The following GFRA1 variants were observed in gnomAD, a reference collection of about 807,000 sequenced individuals.
GFRA1 encodes the protein GDNF family receptor alpha-1.
A neutral mutation model predicts 51.6 loss-of-function variants in GFRA1; 16 were observed. The observed-to-expected ratio is 0.31, with a 90% CI of 0.21 to 0.47. The LOEUF is 0.47. GFRA1 is among the 20% of genes least tolerant of loss of function. GFRA1 has a pLI of 1.00. For missense variants in GFRA1, 530 were observed against 594.3 expected, an observed-to-expected ratio of 0.89 and a Z score of 1.13; for synonymous variants, 270 against 241.3, an observed-to-expected ratio of 1.12 and a Z score of -1.10.
At chr10:116,273,762 G>T (rs1378192252), upstream of GFRA1, among the ~76,000 whole-genome samples, 1 of 151,990 alleles carries the variant, frequency 6.6e-6, no homozygotes, top group Non-Finnish European at 1.5e-5. Flanking sequence ...TAGGGCAATC[G>T]AGCCAGACCC....
At chr10:116,262,726 C>G (rs960892463) in intron 4 of GFRA1, among the ~76,000 whole-genome samples, 1 of 152,006 alleles carries the variant, frequency 6.6e-6, no homozygotes, top group African/African-American at 2.4e-5. Flanking sequence ...GAATAAAAAC[C>G]AAAAGTAGTG....
At chr10:116,135,312 C>T (rs1357265163) in intron 5 of GFRA1, among the ~76,000 whole-genome samples, 1 of 152,172 alleles carries the variant, frequency 6.6e-6, no homozygotes, top group African/African-American at 2.4e-5. Flanking sequence ...ATACAATGAT[C>T]AACTATAAAA....
At chr10:116,145,403 G>C (rs912609495) in intron 5 of GFRA1, among the ~76,000 whole-genome samples, 9 of 149,520 alleles carry the variant, frequency 6.0e-5, no homozygotes, top group Non-Finnish European at 1.3e-4. Flanking sequence ...CTGAGGACAG[G>C]AAAGAATAGA....
At chr10:116,100,513 A>G (rs1452150037) in intron 6 of GFRA1, among the ~76,000 whole-genome samples, 1 of 152,164 alleles carries the variant, frequency 6.6e-6, no homozygotes, top group Non-Finnish European at 1.5e-5. Flanking sequence ...CCAGGCCACA[A>G]GATCAAATGA....
At chr10:116,199,571 T>G (rs1209565888) in intron 5 of GFRA1, among the ~76,000 whole-genome samples, 1 of 152,256 alleles carries the variant, frequency 6.6e-6, no homozygotes, top group Non-Finnish European at 1.5e-5. Flanking sequence ...AATGTATCCA[T>G]CTATCCACCT....
rs566537728 is a variant in GFRA1 at position 116,103,984 on chromosome 10, GGAGCTGAGGAGCT to G, written c.771-7233_771-7221del. Among the ~76,000 whole-genome samples the G allele has an allele frequency of 1.8e-3, 269 of 152,296 alleles. 1 individual carries two copies. Among genetic ancestry groups the G allele is most frequent in the African/African-American group, 6.4e-3 (266 of 41,558 alleles). ...GTAGGCTACGGAGCTGCGGAGCTGG[GGAGCTGAGGAGCT>G]GAGCTGCGATTCTCTCCCCACCTAG... is the stretch of plus-strand genomic sequence containing the variant. On this transcript the variant is annotated intron_variant, in intron 6 of 10. Coordinates refer to ENST00000355422, the MANE Select transcript of GFRA1 (RefSeq NM_005264.8).
chr10:116,155,997 T>A (rs1320698427), intron 5 of GFRA1, among the ~76,000 whole-genome samples: 1 of 152,190 alleles, frequency 6.6e-6, no homozygotes, highest in South Asian at 2.1e-4. Flanking sequence ...GAGTGGCCCA[T>A]GTGAATCAGT....
intron 6 of GFRA1, among the ~76,000 whole-genome samples, chr10:116,108,729 G>A (rs1957091535): frequency 6.6e-6 from 1 of 152,108 alleles, no homozygotes; most frequent in African/African-American, 2.4e-5. Context: ...TCTGCGCCCC[G>A]AGCAGGGTGC....
intron 4 of GFRA1, among the ~76,000 whole-genome samples, chr10:116,258,349 T>C (rs1014036483): frequency 2.0e-5 from 3 of 146,388 alleles, no homozygotes; most frequent in African/African-American, 5.0e-5. Flanking sequence ...AAATGTAACA[T>C]ATATAATATA....
At chr10:116,139,070 C>T (rs1287703812) in intron 5 of GFRA1, among the ~76,000 whole-genome samples, 1 of 152,222 alleles carries the variant, frequency 6.6e-6, no homozygotes, top group Non-Finnish European at 1.5e-5. Context: ...CACCTCTCCA[C>T]AGGAGGTGCT....
intron 5 of GFRA1, among the ~76,000 whole-genome samples, chr10:116,169,229 A>G (rs1443564551): frequency 2.6e-5 from 4 of 152,236 alleles, no homozygotes; most frequent in Non-Finnish European, 5.9e-5. Context: ...CTTGATGACT[A>G]GAGTTCACTT....
At chr10:116,070,759 C>CTTTTTTTTTTT (rs773344299) in intron 9 of GFRA1, among the ~76,000 whole-genome samples, 2 of 97,748 alleles carry the variant, frequency 2.0e-5, no homozygotes, top group African/African-American at 9.5e-5. Context: ...AGTCTGGAGC[C>CTTTTTTTTTTT]TTTTTTTTTT....
At chr10:116,144,946 C>T (rs992820694) in intron 5 of GFRA1, among the ~76,000 whole-genome samples, 2 of 151,550 alleles carry the variant, frequency 1.3e-5, no homozygotes, top group South Asian at 2.1e-4. Flanking sequence ...GTCAGGAGTT[C>T]GAGACCAACC....
chr10:116,207,893 C>T (rs996211999), intron 5 of GFRA1, among the ~76,000 whole-genome samples: 12 of 152,056 alleles, frequency 7.9e-5, no homozygotes, highest in African/African-American at 1.9e-4. Context: ...TCTTGAAGCA[C>T]GGCAGTTAGA....
intron 5 of GFRA1, among the ~76,000 whole-genome samples, chr10:116,178,305 G>GC (rs1029777214): frequency 2.0e-5 from 3 of 151,226 alleles, no homozygotes; most frequent in Non-Finnish European, 3.0e-5. Flanking sequence ...GGGCCGGGGG[G>GC]GCGTTTTACT....
At chr10:116,124,493 AAT>A in intron 6 of GFRA1, among the ~76,000 whole-genome samples, 1 of 151,842 alleles carries the variant, frequency 6.6e-6, no homozygotes, top group Non-Finnish European at 1.5e-5. Context: ...AGCCTCCCAA[AAT>A]GCTGAGATTT....
At chr10:116,260,300 C>A (rs1350261018) in intron 4 of GFRA1, among the ~76,000 whole-genome samples, 2 of 152,194 alleles carry the variant, frequency 1.3e-5, no homozygotes, top group African/African-American at 4.8e-5. Flanking sequence ...CAAGGAAGAT[C>A]TTTTTGAGGC....
chr10:116,116,299 A>C (rs942395896), intron 6 of GFRA1, among the ~76,000 whole-genome samples: 1 of 152,244 alleles, frequency 6.6e-6, no homozygotes, highest in African/African-American at 2.4e-5. Flanking sequence ...TGATTAACAT[A>C]ATGGCCACAA....
chr10:116,194,645 T>C (rs551852506), intron 5 of GFRA1, among the ~76,000 whole-genome samples: 27 of 133,054 alleles, frequency 2.0e-4, no homozygotes, highest in Non-Finnish European at 3.7e-4. Flanking sequence ...GCAACTTTAA[T>C]TTTTTTTTTG....
Sources: gnomAD v4.1 joint callset for allele counts (sites outside exome capture counted in the v4.1 genomes callset) on GRCh38, gnomAD v4.1.1 for gene constraint, MANE v1.5 for transcripts, NCBI Gene and HGNC (gene_info 2026-07-23, HGNC 2026-07-21) for gene names.